Variants in ABCD4 observed in about 807,000 individuals in gnomAD.
ABCD4 encodes the protein ATP binding cassette subfamily D member 4.
ABCD4 carries 53 observed loss-of-function variants against 86.3 expected under a neutral mutation model. That is an observed-to-expected ratio of 0.61 (90% CI 0.49 to 0.77). ABCD4 has a LOEUF of 0.77. Among genes scored for constraint, ABCD4 ranks in the 30% least tolerant of loss-of-function variants. The pLI is 0.00. For synonymous variants in ABCD4, 328 were observed against 313.6 expected (o/e 1.05, Z -0.49); for missense variants, 757 against 764.5 (o/e 0.99, Z 0.12).
rs1041236295 is a variant in ABCD4 at position 74,287,317 on chromosome 14, C to T, written c.1636+493G>A. ...TAATCCCAGCACTTTGGGAGGCCAACGTGGGAGGATGGCCTGAGTCCAGGA... is the reference window on the plus strand; with the variant it reads ...TAATCCCAGCACTTTGGGAGGCCAATGTGGGAGGATGGCCTGAGTCCAGGA... On this transcript the variant is annotated intron_variant, in intron 17 of 18. Coordinates refer to ENST00000356924, the MANE Select transcript of ABCD4 (RefSeq NM_005050.4). Among the ~76,000 whole-genome samples, 8 of 151,974 alleles carry T rather than the reference C, an allele frequency of 5.3e-5. No homozygotes were observed. In the South Asian group the frequency reaches 6.2e-4, roughly 12 times the overall value.
intron 14 of ABCD4, chr14:74,289,008 A>G: frequency 1.1e-6 from 1 of 878,122 alleles, no homozygotes. Flanking sequence ...GCTACGGAAG[A>G]GGCTGAGGCA....
At chr14:74,298,672 T>C (rs527617195) in intron 3 of ABCD4, among the ~76,000 whole-genome samples, 1 of 152,340 alleles carries the variant, frequency 6.6e-6, no homozygotes, top group East Asian at 1.9e-4. Context: ...GACCATATTG[T>C]CGATTCCATT....
intron 1 of ABCD4, 91 bp downstream of exon 1, chr14:74,302,784 G>A (rs2085035452): frequency 1.5e-6 from 2 of 1,331,638 alleles, no homozygotes; most frequent in South Asian, 3.4e-5. Flanking sequence ...GGGGCGCCAG[G>A]GCGGCGGACG....
At chr14:74,302,748 C>G (rs920038431) in intron 1 of ABCD4, 127 bp downstream of exon 1, 1 of 1,139,262 alleles carries the variant, frequency 8.8e-7, no homozygotes, top group African/African-American at 1.6e-5. Flanking sequence ...GCTCCTCTTT[C>G]TCTCAGAAGT....
rs1291166108 is a variant in ABCD4 at position 74,285,384 on chromosome 14, T to C, written c.*1077A>G. ...GAACAAGCCTCAGGCCCAGAGTCTA[T>C]GCAGGCAACAGCATCTAGCCGTAAG... On this transcript the variant is annotated 3_prime_UTR_variant, in exon 19 of 19. Transcript: ENST00000356924. 2 of 152,222 alleles carry C rather than the reference T, an allele frequency of 1.3e-5. No individual in the cohort carries two copies. The highest frequency in any genetic ancestry group is 2.1e-4 in the South Asian group (1 of 4,836). The allele number at this position is 152,222 out of a possible 1,614,324, so 9.4% of individuals were successfully genotyped here.
Position 74,296,347 on chromosome 14 carries a change from G to T in ABCD4, c.528C>A (p.Tyr176Ter), listed in dbSNP as rs373119845. The change falls in exon 5 of 19, where the codon TAC becomes TAA. Residue 176 changes from tyrosine to a stop codon, truncating the protein, a stop_gained. Transcript: ENST00000356924. LOFTEE classifies it high-confidence loss of function. ...GGAGGCTTCACCTTTGGAAGCACTG[G>T]TAAGTGTAGTAGACGAGGGTGAACG... is the stretch of plus-strand genomic sequence containing the variant. Reference protein sequence around the residue: ...ISPFTLVYYTYQCFQSTGWLG... With the variant: ...ISPFTLVYYT 5.0e-6 allele frequency: 8 copies of T among 1,614,034 alleles called. No individual in the cohort carries two copies. The highest frequency in any genetic ancestry group is 2.7e-5 in the African/African-American group (2 of 74,922).
intron 12 of ABCD4, 77 bp from the exon 13 acceptor site, chr14:74,290,195 C>G (rs1395258028): frequency 2.5e-6 from 4 of 1,610,808 alleles, no homozygotes; most frequent in Non-Finnish European, 3.4e-6. Flanking sequence ...TCCTTGTTCC[C>G]CAACAGAAAA....
intron 3 of ABCD4, 177 bp downstream of exon 3, chr14:74,299,369 TGG>T: frequency 1.4e-5 from 10 of 717,512 alleles, no homozygotes; most frequent in Non-Finnish European, 2.3e-5. Context: ...CAGTCCCACG[TGG>T]GCCAATAGCA....
At chr14:74,298,232 G>C (rs562002687) in intron 3 of ABCD4, among the ~76,000 whole-genome samples, 163 bp from the exon 4 acceptor site, 1 of 152,264 alleles carries the variant, frequency 6.6e-6, no homozygotes, top group African/African-American at 2.4e-5. Context: ...CGAGTCATGG[G>C]ACTTTCCCTT....
At chr14:74,286,897 C>T in intron 17 of ABCD4, 81 bp from the exon 18 acceptor site, 1 of 1,331,156 alleles carries the variant, frequency 7.5e-7, no homozygotes, top group South Asian at 1.3e-5. Flanking sequence ...ATACTCAACC[C>T]CAGCTGGGAC....
chr14:74,295,509 C>T (rs1377385140), intron 6 of ABCD4, among the ~76,000 whole-genome samples: 1 of 152,220 alleles, frequency 6.6e-6, no homozygotes, highest in East Asian at 1.9e-4. Flanking sequence ...AGGGCAGGCA[C>T]TGGATCCATT....
At chr14:74,298,523 G>A (rs576779757) in intron 3 of ABCD4, among the ~76,000 whole-genome samples, 7 of 152,100 alleles carry the variant, frequency 4.6e-5, no homozygotes, top group African/African-American at 7.2e-5. Flanking sequence ...CGCCCGCCTC[G>A]GCCTCTCAAA....
In ABCD4 at chr14:74,292,638, G is replaced by C. The variant is rs1040016783; in HGVS notation, c.941C>G (p.Ala314Gly). ...GCTGATGAGGTAGATGCACACAAAG[G>C]CATTCTGGACAGGATGGGAAGAGGT... is the stretch of plus-strand genomic sequence containing the variant. ...AELSTLVSKN[A>G]FVCIYLISCF... Residue 314 changes from alanine to glycine, a missense_variant, in exon 10 of 19, where the codon GCC (alanine) becomes GGC (glycine). Physicochemically the swap from Ala to Gly is moderately conservative, Grantham distance 60. Transcript: ENST00000356924. 7.4e-6 allele frequency: 12 copies of C among 1,613,362 alleles called. No individual in the cohort carries two copies. Among genetic ancestry groups the C allele is most frequent in the Non-Finnish European group, 1.0e-5 (12 of 1,179,856 alleles).
At chr14:74,296,047 C>A in intron 5 of ABCD4, 68 bp from the exon 6 acceptor site, 2 of 1,532,552 alleles carry the variant, frequency 1.3e-6, no homozygotes, top group East Asian at 2.3e-5. Flanking sequence ...ATGCCTCAGC[C>A]CTGACTCCTG....
At chr14:74,293,517 TTAAGCCTC>T in intron 7 of ABCD4, 1 of 356,430 alleles carries the variant, frequency 2.8e-6, no homozygotes, top group Non-Finnish European at 5.0e-6. Context: ...GGCAGGCTAC[TTAAGCCTC>T]CAAGCCTCAG....
At chr14:74,291,932 T>C (rs2081594052) in intron 11 of ABCD4, among the ~76,000 whole-genome samples, 1 of 151,998 alleles carries the variant, frequency 6.6e-6, no homozygotes, top group Non-Finnish European at 1.5e-5. Context: ...TACAGACATC[T>C]CTGGGGCTGA....
chr14:74,287,157 G>A (rs1025976911), intron 17 of ABCD4, among the ~76,000 whole-genome samples: 18 of 152,188 alleles, frequency 1.2e-4, no homozygotes, highest in Admixed American at 2.6e-4. Context: ...AGCTTGGTGG[G>A]AGAGGAGGAT....
At chr14:74,298,278 T>G (rs1226409735) in intron 3 of ABCD4, among the ~76,000 whole-genome samples, 1 of 152,130 alleles carries the variant, frequency 6.6e-6, no homozygotes, top group African/African-American at 2.4e-5. Flanking sequence ...TTCACCAAAT[T>G]TTTTTTCTCT....
chr14:74,288,050 G>A (rs2080312902), intron 16 of ABCD4, 157 bp downstream of exon 16: 1 of 1,056,964 alleles, frequency 9.5e-7, no homozygotes, highest in Non-Finnish European at 1.4e-6. Flanking sequence ...ACAGAGTGAG[G>A]CAAAACTCTG....
Sources: gnomAD v4.1 joint callset for allele counts (sites outside exome capture counted in the v4.1 genomes callset) on GRCh38, gnomAD v4.1.1 for gene constraint, MANE v1.5 for transcripts, NCBI Gene and HGNC (gene_info 2026-07-23, HGNC 2026-07-21) for gene names.